EPB41L2: variants seen among roughly 807,000 people sequenced by gnomAD.
EPB41L2 encodes erythrocyte membrane protein band 4.1 like 2.
A neutral mutation model predicts 113.0 loss-of-function variants in EPB41L2; 43 were observed. The observed-to-expected ratio is 0.38, with a 90% confidence interval of 0.30 to 0.49. The LOEUF is 0.49. Among genes scored for constraint, EPB41L2 ranks in the 20% least tolerant of loss-of-function variants. EPB41L2 has a pLI of 0.95. For synonymous variants in EPB41L2, 442 were observed against 436.7 expected (o/e 1.01, Z -0.15); for missense variants, 1,147 against 1,223.4 (o/e 0.94, Z 0.93).
chr6:130,942,398 T>C (rs555587958), intron 3 of EPB41L2, among the ~76,000 whole-genome samples: 6 of 152,184 alleles, frequency 3.9e-5, no homozygotes, highest in Admixed American at 6.5e-5. Context: ...AGTAACATCA[T>C]CTTAAATTTG....
In EPB41L2 at chr6:130,869,878, C is replaced by A. The variant is rs1785072821; in HGVS notation, c.2292G>T (p.Glu764Asp). 6.2e-7 allele frequency: 1 copy of A among 1,613,002 alleles called. No individual in the cohort carries two copies. The highest frequency in any genetic ancestry group is 1.7e-5 in the Admixed American group (1 of 60,006). The change falls in exon 15 of 20, where the codon GAG becomes GAT. Residue 764 changes from glutamate to aspartate, a missense_variant. By Grantham distance (45) the Glu-to-Asp change is conservative. Coordinates refer to ENST00000337057, the MANE Select transcript of EPB41L2 (RefSeq NM_001431.4). ...ACTCCTGTTCCTCCCTGATGGTGCC[C>A]TCGGTCACTCGGTGGTGGGGACGGT... The part of the protein sequence containing the change: ...GEYRPHHRVT[E>D]GTIREEQEYE...
At chr6:130,900,870 C>T in intron 7 of EPB41L2, 92 bp downstream of exon 7, 2 of 1,452,358 alleles carry the variant, frequency 1.4e-6, no homozygotes, top group Non-Finnish European at 1.9e-6. Context: ...TTGGATAATC[C>T]TGTAAATCAT....
chr6:130,915,230 G>A (rs1327099513), intron 4 of EPB41L2, among the ~76,000 whole-genome samples: 1 of 151,922 alleles, frequency 6.6e-6, no homozygotes, highest in Admixed American at 6.6e-5. Context: ...GTGAACCCGG[G>A]AGGCGGAGCT....
chr6:130,882,815 A>C (rs1378299962), intron 12 of EPB41L2: 1 of 152,826 alleles, frequency 6.5e-6, no homozygotes, highest in Non-Finnish European at 1.5e-5. Context: ...AAGGGAGGGG[A>C]AGCCGGAGGG....
intron 3 of EPB41L2, among the ~76,000 whole-genome samples, chr6:130,945,494 C>T (rs1447420076): frequency 2.6e-5 from 4 of 152,174 alleles, no homozygotes; most frequent in African/African-American, 4.8e-5. Context: ...CCTTGATTCT[C>T]AGACAAAATC....
chr6:130,936,977 T>C (rs894299719), intron 3 of EPB41L2, among the ~76,000 whole-genome samples: 4 of 152,228 alleles, frequency 2.6e-5, no homozygotes, highest in Non-Finnish European at 5.9e-5. Flanking sequence ...ACTTTTTATT[T>C]AGACCAGTTT....
intron 3 of EPB41L2, among the ~76,000 whole-genome samples, chr6:130,945,617 A>G (rs3777464): frequency 0.14 from 21,851 of 152,188 alleles, 2,007 homozygotes; most frequent in East Asian, 0.35. Flanking sequence ...CTTATTTGCA[A>G]ACTTTAAAAC....
chr6:130,910,705 T>A (rs1799104984), intron 4 of EPB41L2, among the ~76,000 whole-genome samples: 1 of 152,058 alleles, frequency 6.6e-6, no homozygotes, highest in African/African-American at 2.4e-5. Context: ...CATCAAAAAG[T>A]GGGTGAAGGA....
At chr6:130,909,875 G>C (rs914127369) in intron 4 of EPB41L2, among the ~76,000 whole-genome samples, 3 of 152,110 alleles carry the variant, frequency 2.0e-5, no homozygotes, top group African/African-American at 7.2e-5. Flanking sequence ...AAGGAAATAA[G>C]AGAGGACACA....
chr6:130,858,100 G>C, intron 19 of EPB41L2, 31 bp downstream of exon 19: 2 of 1,544,690 alleles, frequency 1.3e-6, no homozygotes, highest in East Asian at 2.2e-5. Context: ...GCAGTCACTA[G>C]AAAGGCCACA....
intron 1 of EPB41L2, among the ~76,000 whole-genome samples, chr6:131,061,335 ATT>A (rs955178080): frequency 3.9e-5 from 6 of 152,210 alleles, no homozygotes; most frequent in Admixed American, 2.6e-4. Context: ...GTTCCAAGCC[ATT>A]ACCACTTGTA....
At chr6:130,867,135 T>C (rs1019331867) in intron 16 of EPB41L2, among the ~76,000 whole-genome samples, 1 of 152,228 alleles carries the variant, frequency 6.6e-6, no homozygotes, top group Non-Finnish European at 1.5e-5. Context: ...TGCAAGACAA[T>C]TTGTTTCCTA....
chr6:131,051,433 C>G (rs1451614825), intron 1 of EPB41L2, among the ~76,000 whole-genome samples: 1 of 88,272 alleles, frequency 1.1e-5, no homozygotes, highest in Non-Finnish European at 2.1e-5. Flanking sequence ...TTACAAGGAA[C>G]AAATTCACAA....
At chr6:131,040,355 C>T (rs1285416148) in intron 1 of EPB41L2, among the ~76,000 whole-genome samples, 5 of 152,158 alleles carry the variant, frequency 3.3e-5, no homozygotes. Context: ...ATGAGAATCG[C>T]TTGAAACCAG....
chr6:130,846,076 T>C (rs1242405128), intron 19 of EPB41L2, among the ~76,000 whole-genome samples: 4 of 152,194 alleles, frequency 2.6e-5, no homozygotes, highest in African/African-American at 4.8e-5. Flanking sequence ...TTGCCAATGA[T>C]AAAATGCAAG....
At chr6:130,878,281 A>G in intron 13 of EPB41L2, 31 bp from the exon 14 acceptor site, 3 of 1,580,150 alleles carry the variant, frequency 1.9e-6, no homozygotes, top group Non-Finnish European at 2.6e-6. Context: ...AAAGGGGGGA[A>G]AAATCCAAAA....
At chr6:131,007,826 A>C (rs1785951719) in intron 1 of EPB41L2, among the ~76,000 whole-genome samples, 1 of 152,230 alleles carries the variant, frequency 6.6e-6, no homozygotes, top group Non-Finnish European at 1.5e-5. Context: ...AGAAATTTCC[A>C]GGCAGCAAAG....
intron 3 of EPB41L2, among the ~76,000 whole-genome samples, chr6:130,945,412 G>A (rs536123760): frequency 6.6e-6 from 1 of 152,292 alleles, no homozygotes; most frequent in South Asian, 2.1e-4. Context: ...GATGAAGAGA[G>A]CCTACATTGT....
rs139333879 is a variant in EPB41L2, at chr6:130,901,042, G to A, written c.1068C>T (p.Ile356=). ...GDYDPEEHGS[I]DLSEFQFAPT... ...GGGCAAACTGGAATTCACTGAGGTC[G>A]ATGCTGCCATGTTCTTCTGGGTCAT... Residue 356 remains isoleucine, a synonymous_variant, in exon 7 of 20, where the codon ATC becomes ATT. Transcript: ENST00000337057. 28 of 1,613,980 alleles carry A rather than the reference G, an allele frequency of 1.7e-5. No homozygotes were observed. The highest frequency in any genetic ancestry group is 2.2e-5 in the Non-Finnish European group (26 of 1,180,010).
Sources: gnomAD v4.1 joint callset for allele counts (sites outside exome capture counted in the v4.1 genomes callset) on GRCh38, gnomAD v4.1.1 for gene constraint, MANE v1.5 for transcripts, NCBI Gene and HGNC (gene_info 2026-07-23, HGNC 2026-07-21) for gene names.